The following NUDT19 variants were observed in gnomAD, a reference collection of about 807,000 sequenced individuals.
The protein encoded by NUDT19 is nudix hydrolase 19, also known as acyl-coenzyme A diphosphatase NUDT19.
In NUDT19, 31 loss-of-function variants were observed where a neutral mutation model predicts 22.2. The observed-to-expected ratio is 1.40, with a 90% confidence interval of 1.05 to 1.89. The LOEUF is 1.89. Among genes scored for constraint, NUDT19 ranks in the 40% most tolerant of loss-of-function variants. The pLI, the probability that NUDT19 is intolerant of heterozygous loss-of-function variation, is 0.00. For missense variants in NUDT19, 752 were observed against 514.2 expected (o/e 1.46, Z -4.47); for synonymous variants, 325 against 230.8 (o/e 1.41, Z -3.70).
chr19:32,708,830 C>T (rs1968415530), intron 1 of NUDT19, among the ~76,000 whole-genome samples: 1 of 152,218 alleles, frequency 6.6e-6, no homozygotes. Context: ...TCTCCATCTA[C>T]TGTGATGAGT....
At chr19:32,700,821 A>T (rs1275647824) in intron 1 of NUDT19, among the ~76,000 whole-genome samples, 2 of 152,130 alleles carry the variant, frequency 1.3e-5, no homozygotes, top group Non-Finnish European at 1.5e-5. Flanking sequence ...GGATCAATTG[A>T]GCTCAAGAAC....
At chr19:32,704,511 T>G (rs1474024024) in intron 1 of NUDT19, among the ~76,000 whole-genome samples, 1 of 151,560 alleles carries the variant, frequency 6.6e-6, no homozygotes, top group Non-Finnish European at 1.5e-5. Context: ...CCGCCTGCCT[T>G]GGCCTCCCAA....
At chr19:32,695,659 C>T (rs890895195) in intron 1 of NUDT19, among the ~76,000 whole-genome samples, 2 of 152,166 alleles carry the variant, frequency 1.3e-5, no homozygotes, top group Non-Finnish European at 2.9e-5. Flanking sequence ...TCTCCTTCCC[C>T]TTTTTGATGG....
intron 1 of NUDT19, among the ~76,000 whole-genome samples, chr19:32,693,504 A>G (rs558797720): frequency 7.2e-4 from 110 of 152,330 alleles, no homozygotes; most frequent in Admixed American, 1.8e-3. Flanking sequence ...AACCTCCCAC[A>G]GCGGAAGGGG....
At position 32,691,853 on chromosome 19, in the gene NUDT19, G is replaced by A. The variant is rs1308742195; in HGVS notation, c.-108G>A. 1 of 564,936 alleles carries A rather than the reference G, an allele frequency of 1.8e-6. No individual in the cohort carries two copies. The highest frequency in any genetic ancestry group is 4.7e-5 in the Admixed American group (1 of 21,166). The allele number at this position is 564,936 out of a possible 1,614,324, so 35.0% of individuals were successfully genotyped here. A position where few individuals can be genotyped will look rare whatever the true frequency, so the allele number is the denominator to read the frequency against. On this transcript the variant is annotated 5_prime_UTR_variant, in exon 1 of 3. Transcript: ENST00000397061. ...CAGGTTCACCCAACGCCAGAGGCTC[G>A]TCCTCAATTCCCGCGAGGCCCCCGG...
At chr19:32,695,825 C>T (rs1391349235) in intron 1 of NUDT19, among the ~76,000 whole-genome samples, 1 of 152,254 alleles carries the variant, frequency 6.6e-6, no homozygotes, top group African/African-American at 2.4e-5. Context: ...GATAAGCATA[C>T]TTGCTATCTG....
At chr19:32,709,977 A>C (rs933138659) in intron 2 of NUDT19, among the ~76,000 whole-genome samples, 4 of 151,286 alleles carry the variant, frequency 2.6e-5, no homozygotes, top group Middle Eastern at 3.5e-3. Context: ...TTGCATTTTA[A>C]GTTTGAATTA....
chr19:32,702,079 C>G (rs1968341816), intron 1 of NUDT19, among the ~76,000 whole-genome samples: 1 of 152,210 alleles, frequency 6.6e-6, no homozygotes, highest in South Asian at 2.1e-4. Context: ...TACAGATACT[C>G]TGCTTTGCCA....
intron 1 of NUDT19, among the ~76,000 whole-genome samples, chr19:32,694,952 T>G: frequency 6.6e-6 from 1 of 152,194 alleles, no homozygotes; most frequent in East Asian, 1.9e-4. Flanking sequence ...GGAGGAAACA[T>G]CTATCATCCT....
chr19:32,699,798 G>C (rs535938062), intron 1 of NUDT19, among the ~76,000 whole-genome samples: 1 of 152,178 alleles, frequency 6.6e-6, no homozygotes, highest in Non-Finnish European at 1.5e-5. Context: ...AGACCCTTGC[G>C]GTGAGTGTTA....
At chr19:32,699,999 T>G (rs191956745) in intron 1 of NUDT19, among the ~76,000 whole-genome samples, 3 of 152,186 alleles carry the variant, frequency 2.0e-5, no homozygotes, top group African/African-American at 7.2e-5. Context: ...CTGGTCTCGC[T>G]GGCTTGGAGT....
At position 32,711,832 on chromosome 19, in the gene NUDT19, G is replaced by T; in HGVS notation, c.1003G>T (p.Glu335Ter). The change falls in exon 3 of 3, where the codon GAA (glutamate) becomes TAA (stop). Residue 335 changes from glutamate (E) to a stop codon, truncating the protein, a stop_gained. Coordinates refer to ENST00000397061, the MANE Select transcript of NUDT19 (RefSeq NM_001105570.2). LOFTEE classifies it low-confidence loss of function (END_TRUNC). ...AAAAAAGACTGAGGAAATCATGAAG[G>T]AAGGCAAGCAGTTTCACCGGATAGT... ...TEKKTEEIMK[E>*]GKQFHRIVTY... 1 of 1,613,798 alleles carries T rather than the reference G, an allele frequency of 6.2e-7. No homozygotes were observed. Among genetic ancestry groups the T allele is most frequent in the Non-Finnish European group, 8.5e-7 (1 of 1,179,770 alleles).
intron 1 of NUDT19, among the ~76,000 whole-genome samples, chr19:32,699,436 C>T (rs1015820469): frequency 2.6e-5 from 4 of 152,200 alleles, no homozygotes; most frequent in African/African-American, 7.2e-5. Context: ...AATGGCTTTC[C>T]TCGCTGTCGA....
Position 32,692,655 on chromosome 19 carries a change from C to T in NUDT19, c.695C>T (p.Ala232Val), listed in dbSNP as rs1555753239. 15 of 1,514,162 alleles carry T rather than the reference C, an allele frequency of 9.9e-6. No individual in the cohort carries two copies. Among genetic ancestry groups the T allele is most frequent in the East Asian group, 2.4e-5 (1 of 41,618 alleles). 93.8% of individuals were successfully genotyped at this position (1,514,162 alleles called of 1,614,324 possible). A position where few individuals can be genotyped will look rare whatever the true frequency, so the allele number is the denominator to read the frequency against. The change falls in exon 1 of 3, where the codon GCG (alanine) becomes GTG (valine). Residue 232 changes from alanine (A) to valine (V), a missense_variant. Transcript: ENST00000397061. ...CCGCCGCCCGTCTACCCCGACTTGG[C>T]GGAGGTGGTGGGCTACCAGGTAAGG... Reference protein sequence around the residue: ...REPPPVYPDLAEVVGYQWSSP... With the variant: ...REPPPVYPDLVEVVGYQWSSP...
intron 1 of NUDT19, among the ~76,000 whole-genome samples, chr19:32,696,032 AT>A (rs1327085330): frequency 1.3e-5 from 2 of 152,164 alleles, no homozygotes; most frequent in African/African-American, 4.8e-5. Context: ...TAAGGTCAGG[AT>A]TAGCTAACGG....
At chr19:32,697,824 C>G (rs1264576419) in intron 1 of NUDT19, among the ~76,000 whole-genome samples, 1 of 152,174 alleles carries the variant, frequency 6.6e-6, no homozygotes, top group Non-Finnish European at 1.5e-5. Flanking sequence ...GTATACCTAT[C>G]AAGATCATCT....
chr19:32,692,034 C>G lies in NUDT19; in HGVS notation c.74C>G (p.Ser25Trp), dbSNP rs969762192. The change falls in exon 1 of 3, where the codon TCG becomes TGG. Residue 25 changes from serine to tryptophan, a missense_variant. Ser to Trp is a radical substitution (Grantham distance 177, BLOSUM62 -3). Transcript: ENST00000397061. ...AGCATCGTCCTGGCGGCTGGCTGGT[C>G]GCGCCCGGAGACCGCCACCCCGCCG... ...AASIVLAAGW[S>W]RPETATPPSR... 1.7e-5 allele frequency: 22 copies of G among 1,265,490 alleles called. No individual in the cohort carries two copies. The highest frequency in any genetic ancestry group is 3.2e-5 in the East Asian group (1 of 31,374). 78.4% of individuals were successfully genotyped at this position (1,265,490 alleles called of 1,614,324 possible).
rs887197026 is a variant in NUDT19, at chr19:32,691,827, C to T, written c.-134C>T. ...GCAGGCGCCGTTGCCGACCAAACGC[C>T]CAGGTTCACCCAACGCCAGAGGCTC... On this transcript the variant is annotated 5_prime_UTR_variant, in exon 1 of 3. Coordinates refer to ENST00000397061, the MANE Select transcript of NUDT19 (RefSeq NM_001105570.2). The T allele has an allele frequency of 2.0e-5, 9 of 454,116 alleles. No individual in the cohort carries two copies. Among genetic ancestry groups the T allele is most frequent in the African/African-American group, 1.4e-4 (7 of 48,498 alleles). 28.1% of individuals were successfully genotyped at this position (454,116 alleles called of 1,614,324 possible).
intron 1 of NUDT19, among the ~76,000 whole-genome samples, chr19:32,705,126 A>AC (rs1968374530): frequency 6.7e-6 from 1 of 149,570 alleles, no homozygotes; most frequent in South Asian, 2.1e-4. Flanking sequence ...AAAAAAAAAA[A>AC]AAGTATTGGA....
Sources: allele counts gnomAD v4.1 joint callset (sites outside exome capture counted in the v4.1 genomes callset), GRCh38; gene constraint gnomAD v4.1.1; transcripts MANE v1.5; gene names NCBI Gene and HGNC (gene_info 2026-07-23, HGNC 2026-07-21).